Variants in RBM27 observed in about 807,000 individuals in gnomAD.
RBM27 encodes RNA binding motif protein 27, also known as RNA-binding protein 27.
In RBM27, 22 loss-of-function variants were observed where a neutral mutation model predicts 135.3. The observed-to-expected ratio is 0.16, with a 90% CI of 0.12 to 0.23. The LOEUF (loss-of-function observed/expected upper bound fraction) is 0.23, where lower values mean the gene tolerates loss of function less well. Ranked by LOEUF, RBM27 falls within the 10% of genes least tolerant of loss-of-function variation. RBM27 has a pLI of 1.00. For missense variants in RBM27, 1,009 were observed against 1,281.0 expected (o/e 0.79, Z 3.24); for synonymous variants, 481 against 442.4 (o/e 1.09, Z -1.10).
Position 146,203,617 on chromosome 5 carries a change from G to T in RBM27, c.-149G>T. The T allele has an allele frequency of 1.4e-6, 1 of 691,918 alleles. No individual in the cohort carries two copies. Among genetic ancestry groups the T allele is most frequent in the Admixed American group, 2.6e-5 (1 of 37,816 alleles). 42.9% of individuals were successfully genotyped at this position (691,918 alleles called of 1,614,324 possible). On this transcript the variant is annotated 5_prime_UTR_variant, in exon 1 of 21. Transcript: ENST00000265271. ...GGGCTCTTGGGTTAGTTCCTGTTAG[G>T]CCCCGGCCGGGGGAGTAGGTTGAAG...
intron 2 of RBM27, among the ~76,000 whole-genome samples, chr5:146,220,204 G>A (rs57831194): frequency 0.1 from 15,812 of 152,168 alleles, 911 homozygotes; most frequent in Non-Finnish European, 0.13. Flanking sequence ...TGGGCCAGGC[G>A]CGGTGGCTTA....
chr5:146,287,260 C>A lies in RBM27; in HGVS notation c.*1230C>A, dbSNP rs1173265834. On this transcript the variant is annotated 3_prime_UTR_variant, in exon 21 of 21. Transcript: ENST00000265271. ...GTTGCTATCCATGAACATACGCATC[C>A]CTCAGTAGACAGTTTCCTTTACTGT... 1 of 152,126 alleles carries A rather than the reference C, an allele frequency of 6.6e-6. No homozygotes were observed. Among genetic ancestry groups the A allele is most frequent in the East Asian group, 1.9e-4 (1 of 5,168 alleles). The allele number at this position is 152,126 out of a possible 1,614,324, so 9.4% of individuals were successfully genotyped here. A position where few individuals can be genotyped will look rare whatever the true frequency, so the allele number is the denominator to read the frequency against.
chr5:146,275,488 A>G (rs563048427), intron 19 of RBM27, among the ~76,000 whole-genome samples: 1 of 151,970 alleles, frequency 6.6e-6, no homozygotes, highest in Non-Finnish European at 1.5e-5. Context: ...GCCTGGTCTC[A>G]AACTCCTGAC....
chr5:146,231,754 A>T (rs1036354084), intron 6 of RBM27, among the ~76,000 whole-genome samples: 5 of 152,030 alleles, frequency 3.3e-5, no homozygotes, highest in Admixed American at 6.6e-5. Flanking sequence ...AGTAGCTGGG[A>T]TTATAGGCGT....
intron 7 of RBM27, among the ~76,000 whole-genome samples, chr5:146,236,490 C>T (rs1360133937): frequency 6.6e-6 from 1 of 152,184 alleles, no homozygotes; most frequent in Non-Finnish European, 1.5e-5. Flanking sequence ...TTTGCCTCTT[C>T]TAGAACAAGT....
At chr5:146,269,302 T>G in intron 16 of RBM27, 21 bp downstream of exon 16, 1 of 1,567,206 alleles carries the variant, frequency 6.4e-7, no homozygotes, top group Non-Finnish European at 8.7e-7. Flanking sequence ...AGCTCATTAT[T>G]TGCATGCTAG....
In RBM27 at chr5:146,260,495, G is replaced by A. The variant is rs1229065934; in HGVS notation, c.1740-250G>A. Among the ~76,000 whole-genome samples the A allele has an allele frequency of 3.3e-5, 5 of 152,250 alleles. No individual in the cohort carries two copies. In the East Asian group the frequency reaches 5.8e-4, roughly 18 times the overall value. On this transcript the variant is annotated intron_variant, in intron 11 of 20. Transcript: ENST00000265271. ...TGCTTTGGCCTCTCAGAGTGCTGGC[G>A]TTACAGGCATGAGCTACTTCGCTCA...
At chr5:146,206,366 CTT>C (rs530310551) in intron 1 of RBM27, among the ~76,000 whole-genome samples, 1 of 92,684 alleles carries the variant, frequency 1.1e-5, no homozygotes, top group Non-Finnish European at 2.3e-5. Context: ...CTTGCTTAGG[CTT>C]TTTTTTTTTT....
chr5:146,286,203 A>T lies in RBM27; in HGVS notation c.*173A>T. 1 of 519,310 alleles carries T rather than the reference A, an allele frequency of 1.9e-6. No homozygotes were observed. The highest frequency in any genetic ancestry group is 3.3e-6 in the Non-Finnish European group (1 of 299,990). 32.2% of individuals were successfully genotyped at this position (519,310 alleles called of 1,614,324 possible). ...AACACATCTCATAACTGTACATGAT[A>T]TTAAAGCACCAAAGGCCTAGTGACT... On this transcript the variant is annotated 3_prime_UTR_variant, in exon 21 of 21. Coordinates refer to ENST00000265271, the MANE Select transcript of RBM27 (RefSeq NM_018989.2).
At chr5:146,273,449 A>G (rs944083381) in intron 19 of RBM27, among the ~76,000 whole-genome samples, 4 of 152,192 alleles carry the variant, frequency 2.6e-5, no homozygotes, top group African/African-American at 9.7e-5. Flanking sequence ...AGCAAAGCTA[A>G]GGCAGATGAG....
chr5:146,283,601 A>G (rs997980866), intron 19 of RBM27, among the ~76,000 whole-genome samples: 4 of 152,164 alleles, frequency 2.6e-5, no homozygotes, highest in Non-Finnish European at 4.4e-5. Context: ...TCAGTTTGGT[A>G]TGTCCCATGA....
At chr5:146,221,159 A>G (rs898522601) in intron 2 of RBM27, among the ~76,000 whole-genome samples, 1 of 152,114 alleles carries the variant, frequency 6.6e-6, no homozygotes, top group Non-Finnish European at 1.5e-5. Context: ...AAAAAAAAAA[A>G]AAGTTAGAAA....
intron 19 of RBM27, among the ~76,000 whole-genome samples, chr5:146,273,565 C>G (rs1758961105): frequency 6.6e-6 from 1 of 152,098 alleles, no homozygotes; most frequent in African/African-American, 2.4e-5. Context: ...GCACACTTCC[C>G]TGATAATAAC....
chr5:146,220,946 G>A (rs957618157), intron 2 of RBM27, among the ~76,000 whole-genome samples: 1 of 152,048 alleles, frequency 6.6e-6, no homozygotes, highest in Non-Finnish European at 1.5e-5. Flanking sequence ...GGCCAGGCGC[G>A]GTGGCTCATG....
intron 7 of RBM27, among the ~76,000 whole-genome samples, chr5:146,236,568 A>G (rs1490543119): frequency 6.6e-6 from 1 of 152,162 alleles, no homozygotes; most frequent in Non-Finnish European, 1.5e-5. Flanking sequence ...CTTTAATTCT[A>G]TTCAGAACCA....
intron 7 of RBM27, among the ~76,000 whole-genome samples, chr5:146,234,030 A>G (rs1757059987): frequency 6.6e-6 from 1 of 151,776 alleles, no homozygotes; most frequent in Admixed American, 6.6e-5. Context: ...TTATTTATCT[A>G]TTTTTATTTA....
rs1018873273 is a variant in RBM27, at chr5:146,288,238, A to G, written c.*2208A>G. On this transcript the variant is annotated 3_prime_UTR_variant, in exon 21 of 21. Transcript: ENST00000265271. ...TGATTTTTTTGACCTCAAAATGGACATCTTATTTCACTCTCAGTAAAAAGT... is the reference window on the plus strand; with the variant it reads ...TGATTTTTTTGACCTCAAAATGGACGTCTTATTTCACTCTCAGTAAAAAGT... 7 of 152,156 alleles carry G rather than the reference A, an allele frequency of 4.6e-5. No individual in the cohort carries two copies. The highest frequency in any genetic ancestry group is 1.7e-4 in the African/African-American group (7 of 41,550). The allele number at this position is 152,156 out of a possible 1,614,324, so 9.4% of individuals were successfully genotyped here.
At chr5:146,225,162 A>G (rs1347335419) in intron 3 of RBM27, among the ~76,000 whole-genome samples, 2 of 152,050 alleles carry the variant, frequency 1.3e-5, no homozygotes, top group South Asian at 2.1e-4. Context: ...GGGTTTCACT[A>G]TGTTGCCCAG....
chr5:146,226,460 C>T (rs1048380423), intron 3 of RBM27, among the ~76,000 whole-genome samples: 3 of 151,896 alleles, frequency 2.0e-5, no homozygotes, highest in African/African-American at 7.3e-5. Context: ...CTTACTGCCA[C>T]CTCCACCTCC....
Sources: allele counts gnomAD v4.1 joint callset (sites outside exome capture counted in the v4.1 genomes callset), GRCh38; gene constraint gnomAD v4.1.1; transcripts MANE v1.5; gene names NCBI Gene and HGNC (gene_info 2026-07-23, HGNC 2026-07-21).